Variants in SLC24A3 observed in about 807,000 individuals in gnomAD.
SLC24A3 encodes sodium/potassium/calcium exchanger 3.
Under a neutral mutation model 75.8 loss-of-function variants are expected in SLC24A3, and 28 were observed. That is an observed-to-expected ratio of 0.37 (90% CI 0.27 to 0.51). SLC24A3 has a LOEUF of 0.51. Among genes scored for constraint, SLC24A3 ranks in the 20% least tolerant of loss-of-function variants. The pLI is 0.94. For synonymous variants in SLC24A3, 372 were observed against 334.1 expected, an observed-to-expected ratio of 1.11 and a Z score of -1.24; for missense variants, 663 against 847.8, an observed-to-expected ratio of 0.78 and a Z score of 2.71.
chr20:19,610,543 C>T (rs1421344148), intron 6 of SLC24A3, among the ~76,000 whole-genome samples: 3 of 152,262 alleles, frequency 2.0e-5, no homozygotes, highest in African/African-American at 7.2e-5. Flanking sequence ...TTGTATTCCC[C>T]AGAAGTAGGA....
chr20:19,576,605 A>G (rs2031138811), intron 3 of SLC24A3, among the ~76,000 whole-genome samples: 1 of 152,162 alleles, frequency 6.6e-6, no homozygotes, highest in Non-Finnish European at 1.5e-5. Flanking sequence ...CATGCTGCCC[A>G]GCTCACGAGA....
rs112658432 is a variant in SLC24A3 at position 19,674,457 on chromosome 20, C to T, written c.767+803C>T. On this transcript the variant is annotated intron_variant, in intron 9 of 16. Transcript: ENST00000328041. ...TCAAGCGATGCTGGCTCTTGACTGG[C>T]GGGCTGTTTCTCACCACATGGGCTC... 1.1e-4 allele frequency among the ~76,000 whole-genome samples: 16 copies of T among 152,260 alleles called. 1 individual carries two copies. The highest frequency in any genetic ancestry group is 3.1e-4 in the African/African-American group (13 of 41,562).
At chr20:19,258,902 C>T (rs535158434) in intron 1 of SLC24A3, among the ~76,000 whole-genome samples, 20 of 152,262 alleles carry the variant, frequency 1.3e-4, no homozygotes, top group African/African-American at 4.6e-4. Context: ...AAGCAAATTG[C>T]ATTCAGGCCC....
intron 3 of SLC24A3, among the ~76,000 whole-genome samples, chr20:19,573,756 TG>T (rs1245885436): frequency 2.0e-5 from 3 of 152,202 alleles, no homozygotes; most frequent in African/African-American, 7.2e-5. Context: ...TAGCTGGATT[TG>T]TGCTTTCTTC....
chr20:19,347,197 T>C (rs899360948), intron 2 of SLC24A3, among the ~76,000 whole-genome samples: 2 of 152,300 alleles, frequency 1.3e-5, no homozygotes, highest in Admixed American at 1.3e-4. Flanking sequence ...AGATAAGTAG[T>C]TGCTTGGGGC....
intron 1 of SLC24A3, among the ~76,000 whole-genome samples, chr20:19,249,849 G>A (rs77727260): frequency 0.013 from 1,939 of 152,288 alleles, 58 homozygotes; most frequent in African/African-American, 0.045. Context: ...TTAATATACC[G>A]TGCTAACTGA....
intron 3 of SLC24A3, among the ~76,000 whole-genome samples, chr20:19,579,326 C>G (rs939737914): frequency 2.6e-5 from 4 of 152,164 alleles, no homozygotes; most frequent in Non-Finnish European, 2.9e-5. Flanking sequence ...CCAGGGAATA[C>G]CCTGGTCATA....
At chr20:19,480,666 T>G (rs1175068016) in intron 2 of SLC24A3, among the ~76,000 whole-genome samples, 1 of 152,164 alleles carries the variant, frequency 6.6e-6, no homozygotes, top group African/African-American at 2.4e-5. Flanking sequence ...GTAGACTCCA[T>G]GTACCTTATT....
intron 2 of SLC24A3, among the ~76,000 whole-genome samples, chr20:19,351,618 G>T (rs1440244772): frequency 6.6e-6 from 1 of 152,118 alleles, no homozygotes; most frequent in African/African-American, 2.4e-5. Context: ...CCTCCCCTAG[G>T]ACTCCTTTCC....
At chr20:19,697,485 C>CGG (rs2122143293) in intron 14 of SLC24A3, 1 of 152,926 alleles carries the variant, frequency 6.5e-6, no homozygotes, top group East Asian at 1.9e-4. Context: ...CTGCAGTGCC[C>CGG]TCTAAGTGAC....
intron 8 of SLC24A3, among the ~76,000 whole-genome samples, chr20:19,667,105 G>T (rs190307796): frequency 6.6e-6 from 1 of 152,194 alleles, no homozygotes; most frequent in East Asian, 1.9e-4. Flanking sequence ...TGTTGGTGTG[G>T]GCCTCTCTGT....
In SLC24A3 at chr20:19,241,766, T is replaced by G. The variant is rs941279268; in HGVS notation, c.142+28782T>G. Among the ~76,000 whole-genome samples the G allele has an allele frequency of 2.0e-5, 3 of 152,276 alleles. No homozygotes were observed. The East Asian group carries it at 5.8e-4, about 29-fold the overall frequency. On this transcript the variant is annotated intron_variant, in intron 1 of 16. Coordinates refer to ENST00000328041, the MANE Select transcript of SLC24A3 (RefSeq NM_020689.4). ...CTCCTTCCAGGCTGGTGGCTCTGAATTCAAGAACTCTGGCACACTCAGCTC... is the reference window on the plus strand; with the variant it reads ...CTCCTTCCAGGCTGGTGGCTCTGAAGTCAAGAACTCTGGCACACTCAGCTC...
intron 9 of SLC24A3, among the ~76,000 whole-genome samples, chr20:19,679,838 G>A (rs1385302363): frequency 2.6e-5 from 4 of 151,890 alleles, no homozygotes; most frequent in African/African-American, 9.7e-5. Context: ...GGTGGCCCAT[G>A]ACTTGCTGCT....
chr20:19,477,299 G>A (rs148955552), intron 2 of SLC24A3, among the ~76,000 whole-genome samples: 3 of 152,300 alleles, frequency 2.0e-5, no homozygotes, highest in Non-Finnish European at 4.4e-5. Flanking sequence ...GCCTGAGGAG[G>A]CCAAAAGATT....
At chr20:19,319,726 A>G (rs1292780788) in intron 2 of SLC24A3, among the ~76,000 whole-genome samples, 3 of 152,122 alleles carry the variant, frequency 2.0e-5, no homozygotes, top group Non-Finnish European at 2.9e-5. Flanking sequence ...GTCCTGGTGG[A>G]GGAGGCAGCA....
chr20:19,303,138 G>GT (rs1398010925), intron 2 of SLC24A3, among the ~76,000 whole-genome samples: 4 of 152,090 alleles, frequency 2.6e-5, no homozygotes, highest in African/African-American at 4.8e-5. Flanking sequence ...CCAATAGGTA[G>GT]TTTTTCTGAT....
At chr20:19,587,835 T>C (rs969312834) in intron 6 of SLC24A3, among the ~76,000 whole-genome samples, 5 of 152,166 alleles carry the variant, frequency 3.3e-5, no homozygotes, top group African/African-American at 9.7e-5. Context: ...ATGTTCAGCA[T>C]TAATAGACCT....
At chr20:19,353,040 G>T (rs1985604792) in intron 2 of SLC24A3, among the ~76,000 whole-genome samples, 1 of 152,306 alleles carries the variant, frequency 6.6e-6, no homozygotes, top group East Asian at 1.9e-4. Flanking sequence ...AGTATTCAGT[G>T]CACTGTCGTG....
chr20:19,346,997 A>G (rs1985444133), intron 2 of SLC24A3, among the ~76,000 whole-genome samples: 1 of 152,198 alleles, frequency 6.6e-6, no homozygotes. Context: ...ACATAAATAA[A>G]CTATGGTACA....
Sources: gnomAD v4.1 joint callset for allele counts (sites outside exome capture counted in the v4.1 genomes callset) on GRCh38, gnomAD v4.1.1 for gene constraint, MANE v1.5 for transcripts, NCBI Gene and HGNC (gene_info 2026-07-23, HGNC 2026-07-21) for gene names.